ZDHHC2: variants seen among roughly 807,000 people sequenced by gnomAD.
The protein encoded by ZDHHC2 is zDHHC palmitoyltransferase 2.
In ZDHHC2, 51 loss-of-function variants were observed where a neutral mutation model predicts 55.6. The observed-to-expected ratio is 0.92, with a 90% CI of 0.73 to 1.16. The LOEUF (loss-of-function observed/expected upper bound fraction) is 1.16, where lower values mean the gene tolerates loss of function less well. Ranked by LOEUF, ZDHHC2 falls within the 50% of genes most tolerant of loss-of-function variation. ZDHHC2 has a pLI of 0.00. For missense variants in ZDHHC2, 491 were observed against 442.4 expected, an observed-to-expected ratio of 1.11 and a Z score of -0.99; for synonymous variants, 199 against 152.9, an observed-to-expected ratio of 1.30 and a Z score of -2.22.
At chr8:17,199,128 T>C (rs1425560806) in intron 6 of ZDHHC2, among the ~76,000 whole-genome samples, 1 of 152,162 alleles carries the variant, frequency 6.6e-6, no homozygotes, top group African/African-American at 2.4e-5. Context: ...TACAGAAAGG[T>C]AGACATGCCC....
Position 17,179,036 on chromosome 8 carries a change from G to A in ZDHHC2, c.131-5753G>A, listed in dbSNP as rs1003960183. ...CAGGATCACAGCTCACTGCAGCCTCGACCTCCTGTGCTCAAGTGATCTTCC... is the reference window on the plus strand; with the variant it reads ...CAGGATCACAGCTCACTGCAGCCTCAACCTCCTGTGCTCAAGTGATCTTCC... On this transcript the variant is annotated intron_variant, in intron 1 of 12. Transcript: ENST00000262096. Among the ~76,000 whole-genome samples, 115 of 152,002 alleles carry A rather than the reference G, an allele frequency of 7.6e-4. 3 individuals are homozygous for A. The highest frequency in any genetic ancestry group is 4.4e-5 in the Non-Finnish European group (3 of 67,988).
At chr8:17,163,127 G>A (rs926308240) in intron 1 of ZDHHC2, among the ~76,000 whole-genome samples, 1 of 152,232 alleles carries the variant, frequency 6.6e-6, no homozygotes, top group Non-Finnish European at 1.5e-5. Context: ...GGCGAGCCTG[G>A]AGAGCTTAGC....
At chr8:17,200,036 C>T (rs891604432) in intron 6 of ZDHHC2, among the ~76,000 whole-genome samples, 12 of 152,124 alleles carry the variant, frequency 7.9e-5, no homozygotes, top group African/African-American at 2.2e-4. Flanking sequence ...ATTACAGGCG[C>T]GAGCCACCAT....
chr8:17,183,437 ACT>A (rs916642144), intron 1 of ZDHHC2, among the ~76,000 whole-genome samples: 1 of 152,142 alleles, frequency 6.6e-6, no homozygotes, highest in Non-Finnish European at 1.5e-5. Context: ...GAGAAAGCAA[ACT>A]CTGACTAGCC....
chr8:17,157,076 C>G (rs1858707), intron 1 of ZDHHC2, among the ~76,000 whole-genome samples: 12 of 151,884 alleles, frequency 7.9e-5, no homozygotes, highest in African/African-American at 2.9e-4. Flanking sequence ...GGTGGCGCCT[C>G]CGCCCCGCAC....
chr8:17,171,205 T>G (rs1019963405), intron 1 of ZDHHC2, among the ~76,000 whole-genome samples: 8 of 152,184 alleles, frequency 5.3e-5, no homozygotes, highest in African/African-American at 1.9e-4. Flanking sequence ...TAGCCATGTG[T>G]AGAAAAGGAA....
At chr8:17,184,852 A>T in intron 2 of ZDHHC2, 37 bp downstream of exon 2, 2 of 1,497,858 alleles carry the variant, frequency 1.3e-6, no homozygotes, top group South Asian at 2.6e-5. Context: ...GATTTTTTAA[A>T]TAGTTTGAAA....
intron 1 of ZDHHC2, among the ~76,000 whole-genome samples, chr8:17,177,143 A>G (rs957368355): frequency 1.3e-5 from 2 of 152,212 alleles, no homozygotes; most frequent in Non-Finnish European, 2.9e-5. Flanking sequence ...AATTTGACAG[A>G]CTTTTTCCAA....
chr8:17,202,667 A>G (rs550529869), intron 6 of ZDHHC2, among the ~76,000 whole-genome samples: 6 of 151,970 alleles, frequency 3.9e-5, no homozygotes, highest in East Asian at 1.9e-4. Context: ...AAAGCTGTCT[A>G]TTGTGAAGAC....
chr8:17,208,313 T>C (rs1807206440), intron 8 of ZDHHC2, among the ~76,000 whole-genome samples: 2 of 149,540 alleles, frequency 1.3e-5, no homozygotes, highest in Non-Finnish European at 3.0e-5. Context: ...TATGAGACTA[T>C]ATATATATCT....
chr8:17,186,262 G>C (rs958186357), intron 2 of ZDHHC2, 69 bp from the exon 3 acceptor site: 1 of 991,784 alleles, frequency 1.0e-6, no homozygotes, highest in Non-Finnish European at 1.5e-6. Flanking sequence ...CAAGCAGATC[G>C]GTTGTGACTG....
rs1806566009 is a variant in ZDHHC2 at position 17,199,546 on chromosome 8, T to TCTTCGTCTTC, written c.476+1133_476+1134insCTTCGTCTTC. On this transcript the variant is annotated intron_variant, in intron 6 of 12. Transcript: ENST00000262096. The stretch of plus-strand genomic sequence containing the variant: ...GTCTTCGTCTTCTGTCTTCGTCTTC[T>TCTTCGTCTTC]GTCTTCGTCTTCGTCTTCTTCGTCT... Among the ~76,000 whole-genome samples the TCTTCGTCTTC allele has an allele frequency of 1.8e-3, 72 of 40,602 alleles. 1 individual carries two copies. The highest frequency in any genetic ancestry group is 5.1e-3 in the African/African-American group (69 of 13,550). 26.6% of individuals were successfully genotyped at this position (40,602 alleles called of 152,430 possible).
chr8:17,210,136 A>G, intron 9 of ZDHHC2, 78 bp downstream of exon 9: 1 of 1,457,646 alleles, frequency 6.9e-7, no homozygotes, highest in Non-Finnish European at 9.2e-7. Flanking sequence ...AAAAGCCTCT[A>G]GTTCCATAGG....
chr8:17,207,840 T>C, intron 7 of ZDHHC2, 120 bp from the exon 8 acceptor site: 1 of 815,420 alleles, frequency 1.2e-6, no homozygotes, highest in South Asian at 5.5e-5. Flanking sequence ...AGCCACATTT[T>C]TTTATATTAA....
chr8:17,160,669 A>G (rs1317585203), intron 1 of ZDHHC2, among the ~76,000 whole-genome samples: 1 of 152,210 alleles, frequency 6.6e-6, no homozygotes, highest in African/African-American at 2.4e-5. Flanking sequence ...TCGTTTACAG[A>G]GAGTTGACAG....
intron 1 of ZDHHC2, among the ~76,000 whole-genome samples, chr8:17,173,245 C>T (rs1324875600): frequency 1.3e-5 from 2 of 152,160 alleles, no homozygotes; most frequent in Admixed American, 1.3e-4. Context: ...GCCAAACAGG[C>T]CTATATGTAG....
chr8:17,162,096 G>C (rs1345696170), intron 1 of ZDHHC2, among the ~76,000 whole-genome samples: 2 of 152,214 alleles, frequency 1.3e-5, no homozygotes, highest in Non-Finnish European at 2.9e-5. Context: ...AAGTCGGAAA[G>C]GGGAGTAAGA....
At chr8:17,156,990 C>T in intron 1 of ZDHHC2, 137 bp downstream of exon 1, 2 of 817,252 alleles carry the variant, frequency 2.4e-6, no homozygotes, top group Non-Finnish European at 1.7e-6. Flanking sequence ...CCGCCGGCTC[C>T]GCCGCTAAAA....
chr8:17,199,490 C>CG (rs1261976358), intron 6 of ZDHHC2, among the ~76,000 whole-genome samples: 10 of 37,540 alleles, frequency 2.7e-4, no homozygotes, highest in African/African-American at 3.9e-4. Context: ...TCTTCTTCTT[C>CG]TTCTTCTTCT....
Sources: allele counts gnomAD v4.1 joint callset (sites outside exome capture counted in the v4.1 genomes callset), GRCh38; gene constraint gnomAD v4.1.1; transcripts MANE v1.5; gene names NCBI Gene and HGNC (gene_info 2026-07-23, HGNC 2026-07-21).